Variants in DAB1 observed in about 807,000 individuals in gnomAD.
DAB1 encodes the protein disabled homolog 1.
In DAB1, 15 loss-of-function variants were observed where a neutral mutation model predicts 64.6. The observed-to-expected ratio is 0.23, with a 90% CI of 0.16 to 0.36. DAB1 has a LOEUF of 0.36. DAB1 is among the 10% of genes least tolerant of loss of function. DAB1 has a pLI of 1.00. For missense variants in DAB1, 596 were observed against 706.7 expected (o/e 0.84, Z 1.78); for synonymous variants, 235 against 251.9 (o/e 0.93, Z 0.64).
chr1:57,035,127 T>C (rs557036347), intron 9 of DAB1, among the ~76,000 whole-genome samples: 302 of 152,258 alleles, frequency 2.0e-3, no homozygotes, highest in Non-Finnish European at 3.1e-3. Context: ...TGAGACAATA[T>C]TAGTCTAAGT....
chr1:57,423,399 G>A (rs950207327), intron 1 of DAB1, among the ~76,000 whole-genome samples: 44 of 152,226 alleles, frequency 2.9e-4, no homozygotes, highest in Admixed American at 2.7e-3. Context: ...CTGGGATAGA[G>A]TCGGTTTTTC....
chr1:57,147,080 G>A (rs1029354516), intron 2 of DAB1, among the ~76,000 whole-genome samples: 1 of 150,868 alleles, frequency 6.6e-6, no homozygotes, highest in African/African-American at 2.4e-5. Context: ...ACCCAGGCTG[G>A]AGCACAGTGG....
chr1:57,570,695 C>G (rs1342238444), intron 7 of DAB1, among the ~76,000 whole-genome samples: 1 of 152,110 alleles, frequency 6.6e-6, no homozygotes, highest in East Asian at 1.9e-4. Context: ...TCTCTCACCC[C>G]TTCAAACAAC....
chr1:57,790,060 C>T (rs142526799), intron 6 of DAB1, among the ~76,000 whole-genome samples: 1 of 152,248 alleles, frequency 6.6e-6, no homozygotes, highest in Non-Finnish European at 1.5e-5. Context: ...CAGCAACCAG[C>T]CAAGAGAGTG....
intron 7 of DAB1, among the ~76,000 whole-genome samples, chr1:57,454,609 C>T (rs938013935): frequency 7.9e-5 from 12 of 151,952 alleles, no homozygotes; most frequent in African/African-American, 2.4e-4. Flanking sequence ...CCATGTGACA[C>T]GAGTTTACCT....
At chr1:57,352,269 C>T (rs1418887738) in intron 1 of DAB1, among the ~76,000 whole-genome samples, 1 of 151,952 alleles carries the variant, frequency 6.6e-6, no homozygotes, top group Admixed American at 6.6e-5. Flanking sequence ...GAAATGGGTA[C>T]AAGAATATAC....
chr1:58,086,924 C>T (rs1650354239), intron 5 of DAB1, among the ~76,000 whole-genome samples: 1 of 152,248 alleles, frequency 6.6e-6, no homozygotes, highest in East Asian at 1.9e-4. Flanking sequence ...ATAGCACTTT[C>T]CAGCAGATAC....
chr1:57,693,822 C>T (rs1646793174), intron 6 of DAB1, among the ~76,000 whole-genome samples: 1 of 152,170 alleles, frequency 6.6e-6, no homozygotes, highest in Non-Finnish European at 1.5e-5. Context: ...AGCTATAACA[C>T]TCACCCCAAA....
chr1:57,366,954 C>T (rs1231384482), intron 1 of DAB1, among the ~76,000 whole-genome samples: 1 of 151,782 alleles, frequency 6.6e-6, no homozygotes, highest in Non-Finnish European at 1.5e-5. Flanking sequence ...CACCTATAAT[C>T]CCGACACTTT....
intron 7 of DAB1, among the ~76,000 whole-genome samples, chr1:57,495,620 G>A (rs921396006): frequency 2.0e-5 from 3 of 152,162 alleles, no homozygotes; most frequent in African/African-American, 7.2e-5. Context: ...ACTCTGGGAT[G>A]CATCCTTATT....
intron 4 of DAB1, among the ~76,000 whole-genome samples, chr1:58,299,909 G>A (rs1156237248): frequency 6.6e-6 from 1 of 152,170 alleles, no homozygotes; most frequent in African/African-American, 2.4e-5. Flanking sequence ...TGGAGGCAGA[G>A]GCAAGCAACT....
intron 4 of DAB1, among the ~76,000 whole-genome samples, chr1:58,186,991 A>G (rs1034552707): frequency 6.6e-6 from 1 of 152,198 alleles, no homozygotes; most frequent in Non-Finnish European, 1.5e-5. Context: ...ACTAAATTAC[A>G]TGGCAAAAAG....
At chr1:57,847,341 A>T (rs1164960195) in intron 1 of DAB1, among the ~76,000 whole-genome samples, 1 of 152,214 alleles carries the variant, frequency 6.6e-6, no homozygotes, top group Non-Finnish European at 1.5e-5. Flanking sequence ...AAACAAAGGA[A>T]GTCCCAAGAA....
chr1:57,297,927 T>C (rs959504148), intron 1 of DAB1, among the ~76,000 whole-genome samples: 2 of 152,114 alleles, frequency 1.3e-5, no homozygotes, highest in Non-Finnish European at 2.9e-5. Flanking sequence ...ATGGACCAAA[T>C]TTGCACGGAA....
intron 6 of DAB1, among the ~76,000 whole-genome samples, chr1:57,689,946 T>C (rs1646744074): frequency 6.6e-6 from 1 of 152,136 alleles, no homozygotes; most frequent in African/African-American, 2.4e-5. Context: ...TTCTATTCTC[T>C]ATCTCTGTGA....
At chr1:57,509,386 G>A (rs1007546172) in intron 7 of DAB1, among the ~76,000 whole-genome samples, 10 of 151,988 alleles carry the variant, frequency 6.6e-5, no homozygotes, top group Non-Finnish European at 1.5e-4. Context: ...GGAGGTAAAC[G>A]AGAAGAATGT....
intron 5 of DAB1, among the ~76,000 whole-genome samples, chr1:58,019,102 C>A (rs550366684): frequency 1.3e-5 from 2 of 152,100 alleles, no homozygotes; most frequent in Non-Finnish European, 2.9e-5. Context: ...AAATGAATGG[C>A]CCAGATATGA....
chr1:57,791,844 T>G (rs1650615479), intron 6 of DAB1, among the ~76,000 whole-genome samples: 1 of 152,148 alleles, frequency 6.6e-6, no homozygotes, highest in African/African-American at 2.4e-5. Flanking sequence ...CACCCCAGGC[T>G]TGACCACCCT....
At chr1:58,068,361 G>A (rs1396288476) in intron 5 of DAB1, among the ~76,000 whole-genome samples, 1 of 152,158 alleles carries the variant, frequency 6.6e-6, no homozygotes, top group Non-Finnish European at 1.5e-5. Flanking sequence ...ATATAGCGGG[G>A]AAAAGGATGC....
Sources: gnomAD v4.1 joint callset for allele counts (sites outside exome capture counted in the v4.1 genomes callset) on GRCh38, gnomAD v4.1.1 for gene constraint, MANE v1.5 for transcripts, NCBI Gene and HGNC (gene_info 2026-07-23, HGNC 2026-07-21) for gene names.